The following DTNA variants were observed in gnomAD, a reference collection of about 807,000 sequenced individuals.
The protein encoded by DTNA is dystrophin-related protein 3.
In DTNA, 43 loss-of-function variants were observed where a neutral mutation model predicts 100.7. The ratio of observed to expected loss-of-function variants is 0.43; its 90% CI spans 0.33 to 0.55. The LOEUF (loss-of-function observed/expected upper bound fraction) is 0.55. Among genes scored for constraint, DTNA ranks in the 20% least tolerant of loss-of-function variants. The pLI is 0.04. For synonymous variants in DTNA, 349 were observed against 347.9 expected (o/e 1.00, Z -0.04); for missense variants, 798 against 953.9 (o/e 0.84, Z 2.15).
At chr18:34,668,961 A>G (rs1489311288) in intron 1 of DTNA, among the ~76,000 whole-genome samples, 4 of 152,082 alleles carry the variant, frequency 2.6e-5, no homozygotes, top group Non-Finnish European at 4.4e-5. Context: ...GCAGAGCTGA[A>G]TTCAATTCCT....
At chr18:34,567,250 C>T (rs1004882237) in intron 1 of DTNA, among the ~76,000 whole-genome samples, 2 of 152,070 alleles carry the variant, frequency 1.3e-5, no homozygotes, top group African/African-American at 4.8e-5. Flanking sequence ...AATCAATAAG[C>T]TTTTAATCCT....
chr18:34,693,320 C>A (rs1179729643), intron 1 of DTNA, among the ~76,000 whole-genome samples: 1 of 152,006 alleles, frequency 6.6e-6, no homozygotes, highest in Non-Finnish European at 1.5e-5. Context: ...CATAGAATAT[C>A]ATAGAATTGA....
intron 11 of DTNA, among the ~76,000 whole-genome samples, chr18:34,832,770 T>C (rs756906286): frequency 1.3e-4 from 20 of 152,066 alleles, no homozygotes; most frequent in Non-Finnish European, 2.1e-4. Context: ...GCTATTGAAA[T>C]CTAGAAAAAA....
At chr18:34,571,562 G>C (rs1230646399) in intron 1 of DTNA, among the ~76,000 whole-genome samples, 3 of 152,096 alleles carry the variant, frequency 2.0e-5, no homozygotes, top group African/African-American at 7.2e-5. Flanking sequence ...GAGCAACATA[G>C]AGAGACTCCA....
intron 1 of DTNA, among the ~76,000 whole-genome samples, chr18:34,700,338 C>A (rs968878292): frequency 6.6e-6 from 1 of 152,132 alleles, no homozygotes; most frequent in African/African-American, 2.4e-5. Context: ...AAATAAGATA[C>A]TTCTGTCTCC....
intron 1 of DTNA, among the ~76,000 whole-genome samples, chr18:34,733,659 A>C (rs925672552): frequency 6.6e-6 from 1 of 152,168 alleles, no homozygotes; most frequent in Non-Finnish European, 1.5e-5. Flanking sequence ...CTGCCCTCAC[A>C]AATCTATTTC....
intron 3 of DTNA, among the ~76,000 whole-genome samples, chr18:34,793,309 A>G (rs2094830479): frequency 6.6e-6 from 1 of 152,198 alleles, no homozygotes; most frequent in African/African-American, 2.4e-5. Flanking sequence ...ATAGGGAAGA[A>G]AACAGAAACA....
intron 1 of DTNA, among the ~76,000 whole-genome samples, chr18:34,510,014 ATAGT>A (rs2040876213): frequency 6.6e-6 from 1 of 151,262 alleles, no homozygotes; most frequent in African/African-American, 2.4e-5. Context: ...CACTCACCCA[ATAGT>A]AGTTTAAGGG....
intron 20 of DTNA, among the ~76,000 whole-genome samples, chr18:34,881,605 G>A (rs1392687871): frequency 6.6e-6 from 1 of 152,032 alleles, no homozygotes; most frequent in South Asian, 2.1e-4. Flanking sequence ...GTGCGTATGT[G>A]TAACACAAAA....
intron 1 of DTNA, among the ~76,000 whole-genome samples, chr18:34,521,117 A>C (rs2042109894): frequency 6.6e-6 from 1 of 152,080 alleles, no homozygotes; most frequent in African/African-American, 2.4e-5. Context: ...TATTTCAAAC[A>C]ACTCTTGATT....
At chr18:34,659,058 C>T (rs1007576928) in intron 1 of DTNA, among the ~76,000 whole-genome samples, 2 of 152,052 alleles carry the variant, frequency 1.3e-5, no homozygotes, top group African/African-American at 4.8e-5. Context: ...TTTAAAACAC[C>T]TACTGCCTTC....
At chr18:34,718,114 C>T (rs1600737865) in intron 1 of DTNA, among the ~76,000 whole-genome samples, 1 of 152,138 alleles carries the variant, frequency 6.6e-6, no homozygotes, top group East Asian at 1.9e-4. Context: ...AATGCTGGAG[C>T]AGGATTTTTG....
rs984936971 is a variant in DTNA, at chr18:34,882,073, A to G, written c.2167A>G (p.Thr723Ala). The G allele has an allele frequency of 6.2e-7, 1 of 1,614,144 alleles. No homozygotes were observed. The highest frequency in any genetic ancestry group is 8.5e-7 in the Non-Finnish European group (1 of 1,179,998). The change falls in exon 21 of 23, where the codon ACG (threonine) becomes GCG (alanine). Residue 723 changes from threonine (T) to alanine (A), a missense_variant. Thr to Ala is a moderately conservative substitution (Grantham distance 58). This residue lies in a region of DTNA where 242 missense variants were observed against 238.2 expected (regional missense o/e 1.02). Coordinates refer to ENST00000444659, the MANE Select transcript of DTNA (RefSeq NM_001386795.1). Reference protein sequence around the residue: ...TTSTMRGDMVTEDADPYVQPE... With the variant: ...TTSTMRGDMVAEDADPYVQPE... ...TCATCTGTGGTTTATTTTCAGGGTT[A>G]CGGAGGATGCAGATCCCTATGTGCA...
chr18:34,593,930 A>T (rs2050052431), intron 1 of DTNA, among the ~76,000 whole-genome samples: 1 of 152,126 alleles, frequency 6.6e-6, no homozygotes, highest in Non-Finnish European at 1.5e-5. Context: ...GCATGTTACT[A>T]AGTCACTTCC....
intron 1 of DTNA, among the ~76,000 whole-genome samples, chr18:34,611,843 A>G (rs899996952): frequency 2.0e-5 from 3 of 152,228 alleles, no homozygotes; most frequent in Non-Finnish European, 2.9e-5. Flanking sequence ...AGTTTCCAGA[A>G]GACTCCGCTG....
intron 1 of DTNA, among the ~76,000 whole-genome samples, chr18:34,600,046 A>G (rs2051464956): frequency 6.6e-6 from 1 of 152,156 alleles, no homozygotes; most frequent in African/African-American, 2.4e-5. Flanking sequence ...CACATATTTA[A>G]AAAGTCATTT....
At chr18:34,713,051 T>C (rs1199319290) in intron 1 of DTNA, among the ~76,000 whole-genome samples, 1 of 152,174 alleles carries the variant, frequency 6.6e-6, no homozygotes, top group Non-Finnish European at 1.5e-5. Context: ...AAGGTGAATT[T>C]TATTATTGAC....
chr18:34,648,435 A>G (rs1316077153), intron 1 of DTNA, among the ~76,000 whole-genome samples: 3 of 152,210 alleles, frequency 2.0e-5, no homozygotes, highest in Non-Finnish European at 2.9e-5. Context: ...TCCAAATAGG[A>G]TACCTAAATC....
At chr18:34,512,377 G>A (rs1319715148) in intron 1 of DTNA, among the ~76,000 whole-genome samples, 2 of 151,890 alleles carry the variant, frequency 1.3e-5, no homozygotes, top group African/African-American at 2.4e-5. Flanking sequence ...CATATTTCTG[G>A]CTGTTTTCCT....
Sources: gnomAD v4.1 joint callset for allele counts (sites outside exome capture counted in the v4.1 genomes callset) on GRCh38, gnomAD v4.1.1 for gene constraint, gnomAD v4.1.1 regional missense constraint, MANE v1.5 for transcripts, NCBI Gene and HGNC (gene_info 2026-07-23, HGNC 2026-07-21) for gene names.